CEP112: variants seen among roughly 807,000 people sequenced by gnomAD.
CEP112 encodes the protein centrosomal protein of 112 kDa.
Under a neutral mutation model 153.0 loss-of-function variants are expected in CEP112, and 127 were observed. The ratio of observed to expected loss-of-function variants is 0.83; its 90% confidence interval spans 0.72 to 0.96. CEP112 has a LOEUF of 0.96. Ranked by LOEUF, CEP112 falls within the 40% of genes least tolerant of loss-of-function variation. The pLI, the probability that CEP112 is intolerant of heterozygous loss-of-function variation, is 0.00. For missense variants in CEP112, 1,089 were observed against 1,101.2 expected (o/e 0.99, Z 0.16); for synonymous variants, 358 against 374.4 (o/e 0.96, Z 0.51).
intron 16 of CEP112, among the ~76,000 whole-genome samples, chr17:66,019,452 A>G (rs1234748495): frequency 6.6e-6 from 1 of 152,226 alleles, no homozygotes; most frequent in Non-Finnish European, 1.5e-5. Flanking sequence ...TCAAAACTCC[A>G]AGGCTTGAGA....
chr17:65,929,072 AG>A (rs2061031268), intron 18 of CEP112, among the ~76,000 whole-genome samples: 1 of 152,186 alleles, frequency 6.6e-6, no homozygotes, highest in South Asian at 2.1e-4. Context: ...TAACTGTTAA[AG>A]GGTATGGTGT....
rs1468113521 is a variant in CEP112, at chr17:66,176,930, T to C, written c.197A>G (p.Tyr66Cys). 1 of 1,614,012 alleles carries C rather than the reference T, an allele frequency of 6.2e-7. No homozygotes were observed. Among genetic ancestry groups the C allele is most frequent in the East Asian group, 2.2e-5 (1 of 44,878 alleles). The change falls in exon 3 of 27, where the codon TAT becomes TGT. Residue 66 changes from tyrosine (Y) to cysteine (C), a missense_variant. Physicochemically the swap from Tyr to Cys is radical, Grantham distance 194. Transcript: ENST00000535342. ...GIMGRKNRNLYAKLLLHMLKR... is the reference protein window; with the variant it reads ...GIMGRKNRNLCAKLLLHMLKR... ...AAGCATATGCAATAACAATTTTGCA[T>C]ACAGGTTCCGATTCTTCCTCCCCAT...
intron 17 of CEP112, among the ~76,000 whole-genome samples, chr17:65,967,164 C>T (rs141806529): frequency 1.6e-3 from 238 of 152,226 alleles, no homozygotes; most frequent in Non-Finnish European, 2.5e-3. Context: ...GTAGGCTTAC[C>T]CAGAGAGCTT....
At chr17:65,704,139 T>A (rs2048784477) in intron 23 of CEP112, among the ~76,000 whole-genome samples, 1 of 151,804 alleles carries the variant, frequency 6.6e-6, no homozygotes. Flanking sequence ...GGGCCACAGA[T>A]GGGAGTGATC....
chr17:65,971,477 A>G (rs947310212), intron 17 of CEP112, among the ~76,000 whole-genome samples: 4 of 108,848 alleles, frequency 3.7e-5, no homozygotes, highest in African/African-American at 6.1e-5. Context: ...TGTATCATGC[A>G]TGTATGACAT....
intron 12 of CEP112, among the ~76,000 whole-genome samples, chr17:66,036,820 T>C (rs938668777): frequency 6.6e-6 from 1 of 152,170 alleles, no homozygotes; most frequent in African/African-American, 2.4e-5. Flanking sequence ...ATACCTCGGG[T>C]AGACATATCA....
intron 20 of CEP112, among the ~76,000 whole-genome samples, chr17:65,899,813 TTAACTGAAAATCAAATCTC>T (rs1393385682): frequency 6.6e-6 from 1 of 152,118 alleles, no homozygotes; most frequent in Admixed American, 6.6e-5. Flanking sequence ...TAGCCACACA[TTAACTGAAAATCAAATCTC>T]TAACTGAAAA....
At chr17:65,973,029 G>A (rs1396591985) in intron 17 of CEP112, among the ~76,000 whole-genome samples, 2 of 152,246 alleles carry the variant, frequency 1.3e-5, no homozygotes, top group Non-Finnish European at 2.9e-5. Context: ...GCCTCCGAAA[G>A]TCTTGGAATT....
At chr17:65,638,330 A>G (rs2143229631) in intron 25 of CEP112, among the ~76,000 whole-genome samples, 2 of 152,356 alleles carry the variant, frequency 1.3e-5, no homozygotes, top group Middle Eastern at 6.8e-3. Flanking sequence ...AACTTATACC[A>G]TGGCTTAATG....
At chr17:65,718,133 C>T (rs575816223) in intron 23 of CEP112, among the ~76,000 whole-genome samples, 3 of 152,224 alleles carry the variant, frequency 2.0e-5, no homozygotes, top group East Asian at 1.9e-4. Context: ...TGGCTGGGCG[C>T]GGTGGCTCAC....
At chr17:65,736,433 C>A (rs1426699374) in intron 23 of CEP112, among the ~76,000 whole-genome samples, 1 of 151,982 alleles carries the variant, frequency 6.6e-6, no homozygotes, top group African/African-American at 2.4e-5. Flanking sequence ...GTCAGAAATG[C>A]GGATTGAGGG....
intron 18 of CEP112, among the ~76,000 whole-genome samples, chr17:65,959,440 AC>A (rs2144740201): frequency 6.6e-6 from 1 of 152,338 alleles, no homozygotes; most frequent in South Asian, 2.1e-4. Flanking sequence ...CAGGACAAGA[AC>A]TCAGGACCTG....
chr17:65,716,468 T>A (rs1412633570), intron 23 of CEP112, among the ~76,000 whole-genome samples: 1 of 151,956 alleles, frequency 6.6e-6, no homozygotes, highest in Non-Finnish European at 1.5e-5. Context: ...GCCAGCCCTA[T>A]GCTTTTAAGA....
intron 17 of CEP112, among the ~76,000 whole-genome samples, chr17:66,004,747 C>T (rs1392172968): frequency 6.6e-6 from 1 of 152,154 alleles, no homozygotes; most frequent in Non-Finnish European, 1.5e-5. Context: ...TGCAATCTTC[C>T]CAGGCAGAAT....
chr17:65,932,337 A>G (rs959504287), intron 18 of CEP112, among the ~76,000 whole-genome samples: 1 of 152,232 alleles, frequency 6.6e-6, no homozygotes, highest in African/African-American at 2.4e-5. Flanking sequence ...CATGAAGGTA[A>G]GTACACAAAG....
intron 16 of CEP112, among the ~76,000 whole-genome samples, chr17:66,021,232 G>A (rs1320637155): frequency 2.0e-5 from 3 of 152,038 alleles, no homozygotes; most frequent in Non-Finnish European, 4.4e-5. Context: ...CAAGCTCGGC[G>A]GGTCCCTGAA....
chr17:65,835,620 A>G (rs772905368), intron 21 of CEP112, among the ~76,000 whole-genome samples: 7 of 152,144 alleles, frequency 4.6e-5, no homozygotes, highest in Admixed American at 1.3e-4. Context: ...CAACTTCACT[A>G]TTCTTCAAAA....
chr17:65,950,687 C>T (rs1315998849), intron 18 of CEP112, among the ~76,000 whole-genome samples: 1 of 74,142 alleles, frequency 1.3e-5, no homozygotes, highest in Non-Finnish European at 2.8e-5. Context: ...TCTTTCCATT[C>T]TGGATACATT....
chr17:65,772,837 G>A (rs2024274), intron 21 of CEP112, among the ~76,000 whole-genome samples: 46,499 of 151,928 alleles, frequency 0.31, 8,707 homozygotes, highest in Middle Eastern at 0.45. Context: ...GAAAAAATAT[G>A]AGATACCCTA....
Sources: gnomAD v4.1 joint callset for allele counts (sites outside exome capture counted in the v4.1 genomes callset) on GRCh38, gnomAD v4.1.1 for gene constraint, MANE v1.5 for transcripts, NCBI Gene and HGNC (gene_info 2026-07-23, HGNC 2026-07-21) for gene names.